The following TSHZ2 variants were observed in gnomAD, a reference collection of about 807,000 sequenced individuals.
TSHZ2 encodes the protein teashirt zinc finger homeobox 2.
Under a neutral mutation model 74.4 loss-of-function variants are expected in TSHZ2, and 21 were observed. That is an observed-to-expected ratio of 0.28 (90% CI 0.20 to 0.41). TSHZ2 has a LOEUF of 0.41. TSHZ2 is among the 10% of genes least tolerant of loss of function. The pLI, the probability that TSHZ2 is intolerant of heterozygous loss-of-function variation, is 1.00. For synonymous variants in TSHZ2, 540 were observed against 515.3 expected (o/e 1.05, Z -0.65); for missense variants, 1,244 against 1,293.5 (o/e 0.96, Z 0.59).
intron 1 of TSHZ2, among the ~76,000 whole-genome samples, chr20:53,026,419 C>T (rs550061571): frequency 1.3e-5 from 2 of 151,328 alleles, no homozygotes; most frequent in East Asian, 1.9e-4. Context: ...GTGGCTCGAT[C>T]TCGGTTCACT....
At position 53,256,307 on chromosome 20, in the gene TSHZ2, GTTTCCAAA is replaced by G; in HGVS notation, c.2851_2858del (p.Phe951GlufsTer40). The stretch of plus-strand genomic sequence containing the variant: ...ATCAGTCACTTAGAATCTCACCTGG[GTTTCCAAA>G]TGAAGGACATGACCCGCTTGTCAGT... On this transcript the variant is annotated frameshift_variant, in exon 2 of 3. Transcript: ENST00000371497. LOFTEE classifies it high-confidence loss of function. This position sits in a 1 kb window ranked among gnomAD's most constrained non-coding sequence, Gnocchi z 4.3. 6.2e-7 allele frequency: 1 copy of G among 1,614,084 alleles called. No homozygotes were observed. The highest frequency in any genetic ancestry group is 8.5e-7 in the Non-Finnish European group (1 of 1,179,946).
At chr20:53,042,365 C>T (rs980975063) in intron 1 of TSHZ2, among the ~76,000 whole-genome samples, 12 of 152,120 alleles carry the variant, frequency 7.9e-5, no homozygotes, top group African/African-American at 2.7e-4. Flanking sequence ...TTTTCTGAAC[C>T]TCCTACTCCC....
intron 1 of TSHZ2, among the ~76,000 whole-genome samples, chr20:52,985,898 T>C (rs1981736140): frequency 6.6e-6 from 1 of 152,224 alleles, no homozygotes. Flanking sequence ...AATAAGCATT[T>C]TCCTACCATG....
chr20:53,069,283 T>G (rs1985092739), intron 1 of TSHZ2, among the ~76,000 whole-genome samples: 1 of 152,144 alleles, frequency 6.6e-6, no homozygotes, highest in Non-Finnish European at 1.5e-5. Flanking sequence ...TTGTTTATCA[T>G]TACTTGTAGG....
chr20:52,993,482 A>G (rs1392188723), intron 1 of TSHZ2, among the ~76,000 whole-genome samples: 1 of 152,218 alleles, frequency 6.6e-6, no homozygotes, highest in African/African-American at 2.4e-5. Context: ...TTTAGATCAC[A>G]GTCCCCTGGG....
intron 2 of TSHZ2, among the ~76,000 whole-genome samples, chr20:53,311,938 G>A (rs530590070): frequency 7.0e-4 from 107 of 152,174 alleles, no homozygotes; most frequent in Middle Eastern, 6.8e-3. Context: ...AAGATTAGCT[G>A]GGTATGGTGG....
chr20:53,212,405 G>A (rs866345154), intron 1 of TSHZ2, among the ~76,000 whole-genome samples: 20 of 152,256 alleles, frequency 1.3e-4, no homozygotes, highest in Middle Eastern at 6.8e-3. Context: ...TTATACTAAC[G>A]AATCCTTGCT....
chr20:52,990,564 G>A (rs1251850374), intron 1 of TSHZ2, among the ~76,000 whole-genome samples: 1 of 152,174 alleles, frequency 6.6e-6, no homozygotes, highest in African/African-American at 2.4e-5. Flanking sequence ...GAGCTGGCCA[G>A]CTACGGCTTT....
intron 1 of TSHZ2, among the ~76,000 whole-genome samples, chr20:53,002,319 C>T (rs1982471521): frequency 6.6e-6 from 1 of 152,234 alleles, no homozygotes; most frequent in South Asian, 2.1e-4. Flanking sequence ...GTCGACCCTT[C>T]TGGTTTAACT....
At chr20:53,040,689 A>AG (rs1984006735) in intron 1 of TSHZ2, among the ~76,000 whole-genome samples, 2 of 152,002 alleles carry the variant, frequency 1.3e-5, no homozygotes, top group Non-Finnish European at 2.9e-5. Flanking sequence ...ACCTGGTGGC[A>AG]GGGTCCATTT....
intron 1 of TSHZ2, among the ~76,000 whole-genome samples, chr20:53,173,741 CAGGT>C (rs999093881): frequency 1.1e-4 from 17 of 152,090 alleles, no homozygotes; most frequent in Admixed American, 9.8e-4. Context: ...GGTGGGTAGG[CAGGT>C]AGGTAGGTAG....
intron 2 of TSHZ2, among the ~76,000 whole-genome samples, chr20:53,311,250 A>G (rs564591859): frequency 2.9e-4 from 44 of 152,246 alleles, no homozygotes; most frequent in Admixed American, 7.2e-4. Flanking sequence ...GTGTATTACT[A>G]CATTGTACAT....
intron 1 of TSHZ2, among the ~76,000 whole-genome samples, chr20:53,029,723 A>G (rs1471139178): frequency 2.0e-5 from 3 of 152,192 alleles, no homozygotes; most frequent in South Asian, 2.1e-4. Context: ...ATTCATATGG[A>G]TGGATGTTGG....
chr20:53,293,164 G>T (rs1206023822), intron 2 of TSHZ2, among the ~76,000 whole-genome samples: 1 of 152,168 alleles, frequency 6.6e-6, no homozygotes, highest in Non-Finnish European at 1.5e-5. Context: ...ATACTTTTTA[G>T]TATAAATTAA....
chr20:53,356,088 A>T (rs1980835953), intron 2 of TSHZ2, among the ~76,000 whole-genome samples: 1 of 152,204 alleles, frequency 6.6e-6, no homozygotes, highest in Admixed American at 6.5e-5. Context: ...CCTGATACTG[A>T]GGGTGCTTCA....
rs902428428 is a variant in TSHZ2, at chr20:53,256,881, G to A, written c.*8+310G>A. ...TACCCAAGGCAAGCTCCAGTGTCCA[G>A]CCAAGGCTATCTTTCATTTTAATTA... On this transcript the variant is annotated intron_variant, in intron 2 of 2. Coordinates refer to ENST00000371497, the MANE Select transcript of TSHZ2 (RefSeq NM_173485.6). This position sits in a 1 kb window ranked among gnomAD's most constrained non-coding sequence, Gnocchi z 4.3. Among the ~76,000 whole-genome samples, 3 of 152,200 alleles carry A rather than the reference G, an allele frequency of 2.0e-5. No homozygotes were observed. The highest frequency in any genetic ancestry group is 2.9e-5 in the Non-Finnish European group (2 of 68,040).
At chr20:53,349,412 G>A (rs1436995314) in intron 2 of TSHZ2, among the ~76,000 whole-genome samples, 1 of 152,228 alleles carries the variant, frequency 6.6e-6, no homozygotes, top group Admixed American at 6.5e-5. Flanking sequence ...AGCACTTTAA[G>A]AGGCTGAGGA....
intron 2 of TSHZ2, among the ~76,000 whole-genome samples, chr20:53,329,794 G>T (rs1050898236): frequency 1.3e-5 from 2 of 152,132 alleles, no homozygotes; most frequent in South Asian, 2.1e-4. Context: ...TAACTAATAG[G>T]CATCCACTGG....
intron 1 of TSHZ2, among the ~76,000 whole-genome samples, chr20:53,238,268 G>T (rs1484881309): frequency 6.6e-6 from 1 of 152,106 alleles, no homozygotes; most frequent in African/African-American, 2.4e-5. Context: ...GATTGCAAGC[G>T]ATAAATATTA....
Sources: gnomAD v4.1 joint callset for allele counts (sites outside exome capture counted in the v4.1 genomes callset) on GRCh38, gnomAD v4.1.1 for gene constraint, Gnocchi (gnomAD v3.1) non-coding constraint, MANE v1.5 for transcripts, NCBI Gene and HGNC (gene_info 2026-07-23, HGNC 2026-07-21) for gene names.